UNC13B: variants seen among roughly 807,000 people sequenced by gnomAD.
The protein encoded by UNC13B is protein unc-13 homolog B.
Under a neutral mutation model 211.0 loss-of-function variants are expected in UNC13B, and 144 were observed. The ratio of observed to expected loss-of-function variants is 0.68; its 90% confidence interval spans 0.60 to 0.78. The LOEUF (loss-of-function observed/expected upper bound fraction) is 0.78. Ranked by LOEUF, UNC13B falls within the 30% of genes least tolerant of loss-of-function variation. The pLI, the probability that UNC13B is intolerant of heterozygous loss-of-function variation, is 0.00. For missense variants in UNC13B, 1,777 were observed against 2,002.0 expected, an observed-to-expected ratio of 0.89 and a Z score of 2.14; for synonymous variants, 709 against 725.8, an observed-to-expected ratio of 0.98 and a Z score of 0.37.
At position 35,195,206 on chromosome 9, in the gene UNC13B, C is replaced by A. The variant is rs370325056; in HGVS notation, c.23-32809C>A. Among the ~76,000 whole-genome samples, 116 of 152,250 alleles carry A rather than the reference C, an allele frequency of 7.6e-4. 2 individuals carry two copies. In the South Asian group the frequency reaches 0.019, roughly 25 times the overall value. ...TGAACATGATTGGCACACCTGCCAG[C>A]ATGTATGTCTGCAGCTTGATTTTAC... On this transcript the variant is annotated intron_variant, in intron 1 of 39. Transcript: ENST00000635942.
intron 7 of UNC13B, among the ~76,000 whole-genome samples, chr9:35,281,248 C>CAAA (rs74176713): frequency 4.3e-5 from 5 of 117,294 alleles, no homozygotes; most frequent in African/African-American, 1.0e-4. Flanking sequence ...GACTCTATCT[C>CAAA]AAAAAAAAAA....
chr9:35,264,976 C>T (rs1303651236), intron 7 of UNC13B, among the ~76,000 whole-genome samples: 2 of 152,142 alleles, frequency 1.3e-5, no homozygotes, highest in South Asian at 2.1e-4. Context: ...AAATGCATTT[C>T]GCTTTAGGAT....
In UNC13B at chr9:35,306,886, T is replaced by A; in HGVS notation, c.7482T>A (p.Phe2494Leu). Residue 2494 changes from phenylalanine to leucine, a missense_variant, in exon 9 of 40, where the codon TTT becomes TTA. Transcript: ENST00000635942. ...CTAAATCTCCAAAGAAAAACTCCTT[T>A]TTCTCTCTTGCTTCTGATGTATCAT... ...SSPKSPKKNSFFSLASDVSSQ... is the reference protein window; with the variant it reads ...SSPKSPKKNSLFSLASDVSSQ... 1 of 399,056 alleles carries A rather than the reference T, an allele frequency of 2.5e-6. No individual in the cohort carries two copies. 24.7% of individuals were successfully genotyped at this position (399,056 alleles called of 1,614,324 possible).
intron 22 of UNC13B, chr9:35,384,583 T>C: frequency 1.0e-6 from 1 of 985,480 alleles, no homozygotes; most frequent in Non-Finnish European, 1.2e-6. Context: ...TCTGGTGACA[T>C]TCTCATTAGG....
At chr9:35,194,076 C>T (rs1269694801) in intron 1 of UNC13B, among the ~76,000 whole-genome samples, 1 of 152,048 alleles carries the variant, frequency 6.6e-6, no homozygotes, top group Non-Finnish European at 1.5e-5. Context: ...GTTTGCTCTC[C>T]AGACCAAGGG....
At chr9:35,335,673 A>C (rs1277813352) in intron 11 of UNC13B, among the ~76,000 whole-genome samples, 1 of 151,260 alleles carries the variant, frequency 6.6e-6, no homozygotes, top group Non-Finnish European at 1.5e-5. Context: ...ATTTCTCTCT[A>C]AAATATTCTT....
intron 4 of UNC13B, among the ~76,000 whole-genome samples, chr9:35,237,354 C>T (rs1261059837): frequency 6.6e-6 from 1 of 152,158 alleles, no homozygotes; most frequent in East Asian, 1.9e-4. Context: ...ATTTAGCCAG[C>T]AATGTTAGTA....
At chr9:35,200,929 G>T (rs866051133) in intron 1 of UNC13B, among the ~76,000 whole-genome samples, 155 of 152,178 alleles carry the variant, frequency 1.0e-3, no homozygotes, top group East Asian at 2.1e-3. Context: ...TCAAAGGGAA[G>T]GCTTCCAGTT....
chr9:35,275,532 C>T (rs1303372063), intron 7 of UNC13B, among the ~76,000 whole-genome samples: 1 of 152,108 alleles, frequency 6.6e-6, no homozygotes, highest in African/African-American at 2.4e-5. Flanking sequence ...TTCGAATATA[C>T]AGGTATATAC....
chr9:35,241,590 CA>C (rs755953916), intron 5 of UNC13B, among the ~76,000 whole-genome samples: 85 of 113,932 alleles, frequency 7.5e-4, no homozygotes, highest in South Asian at 2.3e-3. Flanking sequence ...CACACACACA[CA>C]CACACCACCA....
At chr9:35,186,212 G>A (rs565393837) in intron 1 of UNC13B, among the ~76,000 whole-genome samples, 2 of 152,084 alleles carry the variant, frequency 1.3e-5, no homozygotes, top group Admixed American at 6.5e-5. Context: ...ATCTCTTAAG[G>A]TCTGATAAGA....
At chr9:35,398,697 C>A in intron 32 of UNC13B, 55 bp downstream of exon 32, 3 of 1,597,858 alleles carry the variant, frequency 1.9e-6, no homozygotes, top group South Asian at 1.1e-5. Context: ...CCTAGCCAAT[C>A]CCAGAGCCCT....
rs576090016 is a variant in UNC13B at position 35,323,420 on chromosome 9, A to G, written c.9414+9431A>G. ...AATGTAGTTGCAATGCAAATCCTGTACATAAGCCTGAATACTTCAAGACTT... is the reference window on the plus strand; with the variant it reads ...AATGTAGTTGCAATGCAAATCCTGTGCATAAGCCTGAATACTTCAAGACTT... On this transcript the variant is annotated intron_variant, in intron 11 of 39. Transcript: ENST00000635942. Among the ~76,000 whole-genome samples, 44 of 152,284 alleles carry G rather than the reference A, an allele frequency of 2.9e-4. No individual in the cohort carries two copies. The South Asian group carries it at 9.1e-3, about 32-fold the overall frequency.
At chr9:35,370,983 T>C (rs1296501412) in intron 13 of UNC13B, among the ~76,000 whole-genome samples, 1 of 152,186 alleles carries the variant, frequency 6.6e-6, no homozygotes, top group Non-Finnish European at 1.5e-5. Context: ...CCATTCTGGG[T>C]CATACCTTCT....
chr9:35,259,067 T>C lies in UNC13B; in HGVS notation c.526+17T>C. 15 of 1,612,926 alleles carry C rather than the reference T, an allele frequency of 9.3e-6. No homozygotes were observed. The highest frequency in any genetic ancestry group is 1.2e-5 in the Non-Finnish European group (14 of 1,179,380). On this transcript the variant is annotated intron_variant, in intron 7 of 39. Transcript: ENST00000635942. ...CCCAGTGTTGTAAGTGAGAAACTTG[T>C]CTATGAATCTCTTTTAATTGTAGCT...
chr9:35,308,453 T>C (rs991266719), intron 9 of UNC13B, 41 bp downstream of exon 9: 15 of 398,496 alleles, frequency 3.8e-5, no homozygotes, highest in Non-Finnish European at 5.8e-5. Context: ...CTTTAAGGAA[T>C]TGACCATTTA....
At chr9:35,352,997 C>T (rs1832814360) in intron 11 of UNC13B, 2 of 1,232,062 alleles carry the variant, frequency 1.6e-6, no homozygotes, top group Non-Finnish European at 2.0e-6. Context: ...AGAGGACAAG[C>T]TCCTGGGCTG....
intron 22 of UNC13B, chr9:35,385,044 A>G (rs1003437763): frequency 7.7e-5 from 76 of 985,334 alleles, no homozygotes; most frequent in Non-Finnish European, 8.6e-5. Flanking sequence ...AGCTGACTGT[A>G]TATCTTATAT....
At position 35,340,215 on chromosome 9, in the gene UNC13B, G is replaced by A. The variant is rs78935955; in HGVS notation, c.9414+26226G>A. On this transcript the variant is annotated intron_variant, in intron 11 of 39. Transcript: ENST00000635942. ...TGTGCTGTCAGGCCTTATCTCTTCT[G>A]TCATCTAGCCAGCTCCCAACTAGGT... is the stretch of plus-strand genomic sequence containing the variant. 7.9e-5 allele frequency among the ~76,000 whole-genome samples: 12 copies of A among 152,212 alleles called. No homozygotes were observed. In the East Asian group the frequency reaches 2.1e-3, roughly 27 times the overall value.
Sources: gnomAD v4.1 joint callset for allele counts (sites outside exome capture counted in the v4.1 genomes callset) on GRCh38, gnomAD v4.1.1 for gene constraint, MANE v1.5 for transcripts, NCBI Gene and HGNC (gene_info 2026-07-23, HGNC 2026-07-21) for gene names.